Variants in FAT3 observed in about 807,000 individuals in gnomAD.
The protein encoded by FAT3 is FAT atypical cadherin 3.
FAT3 carries 95 observed loss-of-function variants against 310.2 expected under a neutral mutation model. The ratio of observed to expected loss-of-function variants is 0.31; its 90% confidence interval spans 0.26 to 0.36. The LOEUF (loss-of-function observed/expected upper bound fraction) is 0.36. Ranked by LOEUF, FAT3 falls within the 10% of genes least tolerant of loss-of-function variation. The pLI is 1.00. For synonymous variants in FAT3, 2,314 were observed against 2,192.9 expected, an observed-to-expected ratio of 1.06 and a Z score of -1.54; for missense variants, 5,408 against 5,715.6, an observed-to-expected ratio of 0.95 and a Z score of 1.74.
Position 92,730,531 on chromosome 11 carries a change from A to G in FAT3, c.3670-31325A>G, listed in dbSNP as rs138844130. ...GTAGCAAGGAAAGGAACAGGACCATAGTCCTTTTTATCTTGACTCCAAGTC... is the reference window on the plus strand; with the variant it reads ...GTAGCAAGGAAAGGAACAGGACCATGGTCCTTTTTATCTTGACTCCAAGTC... On this transcript the variant is annotated intron_variant, in intron 4 of 27. Coordinates refer to ENST00000525166, the MANE Select transcript of FAT3 (RefSeq NM_001367949.2). Among the ~76,000 whole-genome samples, 1,315 of 152,304 alleles carry G rather than the reference A, an allele frequency of 8.6e-3. 30 individuals are homozygous for G. Among genetic ancestry groups the G allele is most frequent in the African/African-American group, 0.03 (1,250 of 41,560 alleles).
intron 3 of FAT3, among the ~76,000 whole-genome samples, chr11:92,566,827 T>A (rs1345219545): frequency 1.3e-5 from 2 of 152,208 alleles, no homozygotes; most frequent in Non-Finnish European, 2.9e-5. Flanking sequence ...GAAAACTGGC[T>A]GGCCATATGT....
chr11:92,370,210 G>T (rs1217495719), intron 2 of FAT3, among the ~76,000 whole-genome samples: 3 of 152,112 alleles, frequency 2.0e-5, no homozygotes, highest in Non-Finnish European at 2.9e-5. Flanking sequence ...TATATTAGTA[G>T]CGTATCTTAG....
Position 92,887,037 on chromosome 11 carries a change from T to G in FAT3, c.12975T>G (p.Phe4325Leu). The change falls in exon 25 of 28, where the codon TTT becomes TTG. Residue 4325 changes from phenylalanine (F) to leucine (L), a missense_variant. By Grantham distance (22) the Phe-to-Leu change is conservative. Coordinates refer to ENST00000525166, the MANE Select transcript of FAT3 (RefSeq NM_001367949.2). ...ATGACCCGGGAGAAGTGACCTGCTT[T>G]GCAGGTAGTAATAAAGGCAGCAACT... ...GVDDPGEVTC[F>L]AGSNKGSNSE... is the part of the protein sequence containing the mutation. The G allele has an allele frequency of 6.2e-7, 1 of 1,610,742 alleles. No homozygotes were observed. Among genetic ancestry groups the G allele is most frequent in the Non-Finnish European group, 8.5e-7 (1 of 1,178,728 alleles).
In FAT3 at chr11:92,645,830, G is replaced by A. The variant is rs903190156; in HGVS notation, c.3608-51554G>A. Among the ~76,000 whole-genome samples the A allele has an allele frequency of 6.6e-5, 10 of 152,242 alleles. No homozygotes were observed. In the Middle Eastern group the frequency reaches 0.01, roughly 155 times the overall value. On this transcript the variant is annotated intron_variant, in intron 3 of 27. Coordinates refer to ENST00000525166, the MANE Select transcript of FAT3 (RefSeq NM_001367949.2). Reference sequence around the variant, plus strand: ...CCCTACTAGTGTGACAGAGATATTTGTCTCATTCATTTCATTTTATCTCCA... The same window carrying A: ...CCCTACTAGTGTGACAGAGATATTTATCTCATTCATTTCATTTTATCTCCA...
At chr11:92,702,686 T>C (rs1944138708) in intron 4 of FAT3, among the ~76,000 whole-genome samples, 1 of 152,214 alleles carries the variant, frequency 6.6e-6, no homozygotes, top group Admixed American at 6.5e-5. Context: ...TCTTGAAAGA[T>C]ACATCTACTT....
intron 3 of FAT3, among the ~76,000 whole-genome samples, chr11:92,660,632 A>G (rs1467722226): frequency 3.9e-5 from 6 of 152,194 alleles, no homozygotes; most frequent in Non-Finnish European, 7.3e-5. Context: ...TGAAATTAGT[A>G]TAAGAGCTAG....
intron 1 of FAT3, among the ~76,000 whole-genome samples, chr11:92,340,039 G>A (rs1948205185): frequency 6.7e-6 from 1 of 149,444 alleles, no homozygotes; most frequent in South Asian, 2.1e-4. Context: ...GTGAACCTGG[G>A]AGGCAGAGCT....
At chr11:92,255,341 TAAAA>T (rs201587803) in intron 1 of FAT3, among the ~76,000 whole-genome samples, 2,494 of 144,460 alleles carry the variant, frequency 0.017, 42 homozygotes, top group South Asian at 0.035. Context: ...GGTTTTTTTT[TAAAA>T]AAAAAAAAAA....
chr11:92,594,069 C>A (rs1441352452), intron 3 of FAT3, among the ~76,000 whole-genome samples: 1 of 152,116 alleles, frequency 6.6e-6, no homozygotes, highest in Non-Finnish European at 1.5e-5. Context: ...GGCACCAGAA[C>A]CAGAGTCAGG....
At chr11:92,795,504 G>T (rs1185338747) in intron 9 of FAT3, among the ~76,000 whole-genome samples, 2 of 152,062 alleles carry the variant, frequency 1.3e-5, no homozygotes, top group Non-Finnish European at 2.9e-5. Flanking sequence ...GAATGGGTCA[G>T]TGTGTCAAAG....
chr11:92,383,661 G>A (rs533214029), intron 2 of FAT3, among the ~76,000 whole-genome samples: 3 of 152,296 alleles, frequency 2.0e-5, no homozygotes, highest in East Asian at 3.9e-4. Context: ...AATTCAATCC[G>A]TTTTAAACCC....
intron 4 of FAT3, 38 bp from the exon 5 acceptor site, chr11:92,761,817 AT>A: frequency 6.4e-7 from 1 of 1,573,848 alleles, no homozygotes; most frequent in Non-Finnish European, 8.6e-7. Context: ...AGCAAGAATA[AT>A]TTTCTCCTTT....
At position 92,282,674 on chromosome 11, in the gene FAT3, G is replaced by A. The variant is rs569519239; in HGVS notation, c.-18+57500G>A. On this transcript the variant is annotated intron_variant, in intron 1 of 27. Coordinates refer to ENST00000525166, the MANE Select transcript of FAT3 (RefSeq NM_001367949.2). The stretch of plus-strand genomic sequence containing the variant: ...TCAAAAAATAAAAAAAAAAAAAAAG[G>A]ATGTTGTAAATCACACATATATGTA... Among the ~76,000 whole-genome samples, 9 of 150,524 alleles carry A rather than the reference G, an allele frequency of 6.0e-5. No homozygotes were observed. The East Asian group carries it at 1.8e-3, about 29-fold the overall frequency.
In FAT3 at chr11:92,836,618, T is replaced by A; in HGVS notation, c.10139T>A (p.Ile3380Asn). ...SQPNGQIHFSIVNGDRDNEFT... is the reference protein window; with the variant it reads ...SQPNGQIHFSNVNGDRDNEFT... The stretch of plus-strand genomic sequence containing the variant: ...CCCAACGGACAGATTCATTTTTCCA[T>A]TGTGAATGGAGATCGGGACAATGAA... Residue 3380 changes from isoleucine to asparagine, a missense_variant, in exon 16 of 28, where the codon ATT becomes AAT. Physicochemically the swap from Ile to Asn is moderately radical, Grantham distance 149. Transcript: ENST00000525166. 6.2e-7 allele frequency: 1 copy of A among 1,613,894 alleles called. No homozygotes were observed. Among genetic ancestry groups the A allele is most frequent in the African/African-American group, 1.3e-5 (1 of 75,042 alleles).
intron 4 of FAT3, among the ~76,000 whole-genome samples, chr11:92,712,183 G>T (rs1944546090): frequency 6.6e-6 from 1 of 152,002 alleles, no homozygotes; most frequent in Admixed American, 6.6e-5. Flanking sequence ...GCCTTCTCAT[G>T]TTTAAAAGCA....
chr11:92,250,109 C>T (rs959027972), intron 1 of FAT3, among the ~76,000 whole-genome samples: 3 of 152,014 alleles, frequency 2.0e-5, no homozygotes, highest in Non-Finnish European at 2.9e-5. Context: ...CTCTCTGCCC[C>T]GGACATTTTA....
At chr11:92,435,095 C>A (rs765370361) in intron 2 of FAT3, among the ~76,000 whole-genome samples, 5 of 152,262 alleles carry the variant, frequency 3.3e-5, no homozygotes, top group Non-Finnish European at 5.9e-5. Flanking sequence ...ATATCCTCCC[C>A]CTTAATGACC....
intron 4 of FAT3, among the ~76,000 whole-genome samples, chr11:92,733,304 G>A (rs1457095962): frequency 6.6e-6 from 1 of 152,030 alleles, no homozygotes; most frequent in Non-Finnish European, 1.5e-5. Flanking sequence ...ACATTCTGAT[G>A]TTACTAGCTG....
intron 1 of FAT3, among the ~76,000 whole-genome samples, chr11:92,302,771 A>T (rs1947032503): frequency 6.6e-6 from 1 of 152,106 alleles, no homozygotes; most frequent in Non-Finnish European, 1.5e-5. Context: ...TATGGTGTTG[A>T]TTAATTTTCT....
Sources: allele counts gnomAD v4.1 joint callset (sites outside exome capture counted in the v4.1 genomes callset), GRCh38; gene constraint gnomAD v4.1.1; transcripts MANE v1.5; gene names NCBI Gene and HGNC (gene_info 2026-07-23, HGNC 2026-07-21).